Variants in FMNL2 observed in about 807,000 individuals in gnomAD.
FMNL2 encodes the protein formin like 2.
Under a neutral mutation model 130.2 loss-of-function variants are expected in FMNL2, and 51 were observed. The observed-to-expected ratio is 0.39, with a 90% CI of 0.31 to 0.49. The LOEUF (loss-of-function observed/expected upper bound fraction) is 0.49, where lower values mean the gene tolerates loss of function less well. FMNL2 is among the 20% of genes least tolerant of loss of function. FMNL2 has a pLI of 0.85. For missense variants in FMNL2, 977 were observed against 1,316.2 expected, an observed-to-expected ratio of 0.74 and a Z score of 3.99; for synonymous variants, 465 against 467.1, an observed-to-expected ratio of 1.00 and a Z score of 0.06.
chr2:152,343,916 G>A (rs1681960441), intron 1 of FMNL2, among the ~76,000 whole-genome samples: 1 of 152,148 alleles, frequency 6.6e-6, no homozygotes, highest in Admixed American at 6.5e-5. Flanking sequence ...ACTTTGGGAG[G>A]CCAAGACAGG....
chr2:152,531,235 C>T (rs1332493360), intron 2 of FMNL2, among the ~76,000 whole-genome samples: 1 of 152,098 alleles, frequency 6.6e-6, no homozygotes, highest in Non-Finnish European at 1.5e-5. Flanking sequence ...TAGGTGTGTG[C>T]TTATATATTT....
chr2:152,361,168 C>CT (rs1272473891), intron 1 of FMNL2, among the ~76,000 whole-genome samples: 7 of 151,754 alleles, frequency 4.6e-5, no homozygotes, highest in South Asian at 2.1e-4. Context: ...TTGTAAAAGG[C>CT]TTTTTTTTAT....
chr2:152,527,787 T>C (rs1693470152), intron 2 of FMNL2, among the ~76,000 whole-genome samples: 1 of 152,214 alleles, frequency 6.6e-6, no homozygotes, highest in Non-Finnish European at 1.5e-5. Flanking sequence ...CCTTTTCACA[T>C]GACCCTCTTA....
intron 1 of FMNL2, among the ~76,000 whole-genome samples, chr2:152,396,821 C>G (rs1685420483): frequency 6.6e-6 from 1 of 152,154 alleles, no homozygotes; most frequent in East Asian, 1.9e-4. Flanking sequence ...AACAGTTATT[C>G]AAAGAGCATT....
At position 152,520,549 on chromosome 2, in the gene FMNL2, C is replaced by T. The variant is rs971315519; in HGVS notation, c.118-1394C>T. The stretch of plus-strand genomic sequence containing the variant: ...AGCGGAGGTTGCAGTGAGCCGAGAT[C>T]GTGCTATTGTACTACAGCCTGGGCA... On this transcript the variant is annotated intron_variant, in intron 1 of 25. Transcript: ENST00000288670. 2.0e-5 allele frequency among the ~76,000 whole-genome samples: 3 copies of T among 149,580 alleles called. No individual in the cohort carries two copies. The East Asian group carries it at 5.9e-4, about 29-fold the overall frequency.
intron 1 of FMNL2, chr2:152,390,254 G>A (rs1346343778): frequency 2.1e-6 from 3 of 1,450,772 alleles, no homozygotes; most frequent in Non-Finnish European, 2.9e-6. Flanking sequence ...TCCAGGGGCA[G>A]CACCTCCGGG....
rs1698740060 is a variant in FMNL2 at position 152,612,506 on chromosome 2, C to T, written c.1062+901C>T. ...CTGCACTCCAGCTTGGGTGGCAGAG[C>T]GAGACCCTGTGTCTAAAACGGAAAA... On this transcript the variant is annotated intron_variant, in intron 11 of 25. Transcript: ENST00000288670. Among the ~76,000 whole-genome samples the T allele has an allele frequency of 2.0e-5, 3 of 152,128 alleles. 1 individual carries two copies. The highest frequency in any genetic ancestry group is 4.1e-4 in the South Asian group (2 of 4,828).
Position 152,593,338 on chromosome 2 carries a change from A to G in FMNL2, c.876+12289A>G, listed in dbSNP as rs114127328. On this transcript the variant is annotated intron_variant, in intron 9 of 25. Coordinates refer to ENST00000288670, the MANE Select transcript of FMNL2 (RefSeq NM_052905.4). Reference sequence around the variant, plus strand: ...GAAATTCACAGTTACATAATACTTTACAGTTTAGAAAATGCTATATATATA... The same window carrying G: ...GAAATTCACAGTTACATAATACTTTGCAGTTTAGAAAATGCTATATATATA... Among the ~76,000 whole-genome samples the G allele has an allele frequency of 7.6e-3, 1,156 of 152,166 alleles. 16 individuals carry two copies. Among genetic ancestry groups the G allele is most frequent in the African/African-American group, 0.026 (1,066 of 41,422 alleles).
intron 8 of FMNL2, 114 bp downstream of exon 8, chr2:152,579,078 G>A (rs1696632929): frequency 1.2e-6 from 1 of 841,012 alleles, no homozygotes. Context: ...TCTGAAATAA[G>A]ATTGGCTATA....
intron 15 of FMNL2, among the ~76,000 whole-genome samples, chr2:152,622,857 A>G (rs927281007): frequency 8.3e-6 from 1 of 120,990 alleles, no homozygotes; most frequent in Non-Finnish European, 1.8e-5. Context: ...TTATATTTGT[A>G]TCTGAGACTT....
intron 1 of FMNL2, among the ~76,000 whole-genome samples, chr2:152,415,752 G>A (rs1430297155): frequency 6.6e-6 from 1 of 152,200 alleles, no homozygotes; most frequent in Non-Finnish European, 1.5e-5. Context: ...GAGAGATAGT[G>A]CCGCCTTTAA....
chr2:152,467,887 T>C (rs1689640570), intron 1 of FMNL2, among the ~76,000 whole-genome samples: 1 of 152,248 alleles, frequency 6.6e-6, no homozygotes, highest in South Asian at 2.1e-4. Context: ...ATTGTCAAAA[T>C]AACTTGGTTA....
intron 1 of FMNL2, among the ~76,000 whole-genome samples, chr2:152,351,953 T>A (rs1246271221): frequency 2.6e-5 from 4 of 152,240 alleles, no homozygotes; most frequent in Non-Finnish European, 4.4e-5. Context: ...TGACTAGTGA[T>A]GATGAGCTCC....
intron 1 of FMNL2, among the ~76,000 whole-genome samples, chr2:152,366,352 T>C (rs1216432622): frequency 6.6e-6 from 1 of 151,324 alleles, no homozygotes; most frequent in Non-Finnish European, 1.5e-5. Flanking sequence ...GACGAGTTAA[T>C]GGGTGCAGCA....
At chr2:152,390,334 C>T (rs2105925100) in intron 1 of FMNL2, 5 of 1,185,312 alleles carry the variant, frequency 4.2e-6, no homozygotes, top group East Asian at 2.3e-5. Flanking sequence ...GGGGAGAGCT[C>T]GTGGCTCATT....
chr2:152,622,969 C>T (rs955384016), intron 15 of FMNL2, among the ~76,000 whole-genome samples: 1 of 152,034 alleles, frequency 6.6e-6, no homozygotes, highest in East Asian at 1.9e-4. Context: ...GCCTTTAGCC[C>T]GAGCCATGGG....
chr2:152,644,626 T>A (rs1193276062), intron 25 of FMNL2, among the ~76,000 whole-genome samples: 1 of 152,210 alleles, frequency 6.6e-6, no homozygotes, highest in Non-Finnish European at 1.5e-5. Flanking sequence ...AGCAAAGCTG[T>A]GAGGCAGGAC....
chr2:152,544,343 G>A (rs912600132), intron 3 of FMNL2, among the ~76,000 whole-genome samples: 3 of 152,152 alleles, frequency 2.0e-5, no homozygotes, highest in Non-Finnish European at 2.9e-5. Context: ...AGGAGGCGGA[G>A]GTTGCAGTGA....
intron 1 of FMNL2, among the ~76,000 whole-genome samples, chr2:152,405,930 A>G (rs899600083): frequency 1.3e-5 from 2 of 152,276 alleles, no homozygotes; most frequent in East Asian, 1.9e-4. Context: ...AATACATGAT[A>G]TACATTGAGT....
Sources: allele counts gnomAD v4.1 joint callset (sites outside exome capture counted in the v4.1 genomes callset), GRCh38; gene constraint gnomAD v4.1.1; transcripts MANE v1.5; gene names NCBI Gene and HGNC (gene_info 2026-07-23, HGNC 2026-07-21).